EPB41L3: variants seen among roughly 807,000 people sequenced by gnomAD.
EPB41L3 encodes the protein band 4.1-like protein 3.
In EPB41L3, 57 loss-of-function variants were observed where a neutral mutation model predicts 127.1. The observed-to-expected ratio is 0.45, with a 90% CI of 0.36 to 0.56. The LOEUF is 0.56. Among genes scored for constraint, EPB41L3 ranks in the 20% least tolerant of loss-of-function variants. EPB41L3 has a pLI of 0.00. For missense variants in EPB41L3, 1,273 were observed against 1,372.2 expected, an observed-to-expected ratio of 0.93 and a Z score of 1.14; for synonymous variants, 572 against 549.5, an observed-to-expected ratio of 1.04 and a Z score of -0.57.
chr18:5,629,594 G>C (rs1261296860), upstream of EPB41L3, among the ~76,000 whole-genome samples: 3 of 151,816 alleles, frequency 2.0e-5, no homozygotes, highest in East Asian at 1.9e-4. Context: ...TTCCCGGAAG[G>C]CCCCCCCCTC....
intron 1 of EPB41L3, among the ~76,000 whole-genome samples, chr18:5,539,100 C>A (rs1388193857): frequency 6.7e-6 from 1 of 150,236 alleles, no homozygotes; most frequent in African/African-American, 2.5e-5. Context: ...GTGTCTAGAC[C>A]TTTACTTGGT....
At chr18:5,629,415 C>CCACA (rs61034629), upstream of EPB41L3, among the ~76,000 whole-genome samples, 16,759 of 143,670 alleles carry the variant, frequency 0.12, 1,057 homozygotes, top group African/African-American at 0.16. Context: ...TCCTTACACA[C>CCACA]CACACACACA....
intron 1 of EPB41L3, among the ~76,000 whole-genome samples, chr18:5,505,161 T>C (rs1484585563): frequency 6.6e-6 from 1 of 152,172 alleles, no homozygotes; most frequent in African/African-American, 2.4e-5. Context: ...TTCTTTTCTG[T>C]TGACTAAAAG....
chr18:5,498,897 A>C (rs141596078), intron 1 of EPB41L3, among the ~76,000 whole-genome samples: 121 of 152,188 alleles, frequency 8.0e-4, no homozygotes, highest in African/African-American at 2.8e-3. Context: ...GGCATAATTT[A>C]AATACTGCAT....
intron 3 of EPB41L3, among the ~76,000 whole-genome samples, chr18:5,605,656 C>T (rs1001093199): frequency 4.6e-5 from 7 of 152,092 alleles, no homozygotes; most frequent in Non-Finnish European, 1.0e-4. Context: ...AACTCCTGGA[C>T]TCAAGTGGTC....
At chr18:5,482,004 G>A (rs1189085071) in intron 2 of EPB41L3, among the ~76,000 whole-genome samples, 2 of 152,048 alleles carry the variant, frequency 1.3e-5, no homozygotes, top group Non-Finnish European at 2.9e-5. Context: ...AGAAACAATA[G>A]CAAACAGGAC....
chr18:5,532,320 C>T (rs2093437261), intron 1 of EPB41L3, among the ~76,000 whole-genome samples: 1 of 152,158 alleles, frequency 6.6e-6, no homozygotes. Context: ...ACCACTGTAA[C>T]CCCAGCACTG....
intron 3 of EPB41L3, among the ~76,000 whole-genome samples, chr18:5,573,098 T>C (rs1165318541): frequency 6.6e-6 from 1 of 152,180 alleles, no homozygotes; most frequent in African/African-American, 2.4e-5. Flanking sequence ...GTCAAGAAAG[T>C]GCAAGTCAGG....
intron 1 of EPB41L3, among the ~76,000 whole-genome samples, chr18:5,511,651 C>T (rs903665528): frequency 6.6e-6 from 1 of 151,988 alleles, no homozygotes; most frequent in African/African-American, 2.4e-5. Context: ...AGGTGATCCC[C>T]AGTGCTTAGT....
At chr18:5,459,834 C>T (rs1278086761) in intron 3 of EPB41L3, among the ~76,000 whole-genome samples, 1 of 152,146 alleles carries the variant, frequency 6.6e-6, no homozygotes, top group Non-Finnish European at 1.5e-5. Context: ...ATCATAGAAT[C>T]ATAAGGAAGG....
Position 5,419,872 on chromosome 18 carries a change from C to T in EPB41L3, c.1345G>A (p.Gly449Ser). 6.2e-7 allele frequency: 1 copy of T among 1,614,170 alleles called. No homozygotes were observed. Among genetic ancestry groups the T allele is most frequent in the Non-Finnish European group, 8.5e-7 (1 of 1,180,034 alleles). Residue 449 changes from glycine to serine, a missense_variant, in exon 12 of 23, where the codon GGT (glycine) becomes AGT (serine). Gly to Ser is a moderately conservative substitution (Grantham distance 56). This residue lies in a region of EPB41L3 where 326 missense variants were observed against 440.2 expected (regional missense o/e 0.74). Transcript: ENST00000341928. ...TMSRSLDGEV[G>S]TGQYATTKGI... ...TTTGTTGTGGCGTACTGGCCAGTACCAACCTCTGCAGCAGACATAGAATCC... is the reference window on the plus strand; with the variant it reads ...TTTGTTGTGGCGTACTGGCCAGTACTAACCTCTGCAGCAGACATAGAATCC...
intron 3 of EPB41L3, among the ~76,000 whole-genome samples, chr18:5,557,063 C>A (rs898554068): frequency 1.3e-5 from 2 of 152,092 alleles, no homozygotes; most frequent in Non-Finnish European, 2.9e-5. Flanking sequence ...GGAGAACCAG[C>A]CCATTTGATA....
intron 5 of EPB41L3, 66 bp from the exon 6 acceptor site, chr18:5,438,176 G>A: frequency 4.7e-6 from 7 of 1,478,968 alleles, no homozygotes; most frequent in Non-Finnish European, 6.5e-6. Context: ...TCGATGGCCA[G>A]AACTGCCTTA....
intron 3 of EPB41L3, 72 bp from the exon 4 acceptor site, chr18:5,445,316 C>G: frequency 8.3e-7 from 1 of 1,201,908 alleles, no homozygotes; most frequent in Non-Finnish European, 1.2e-6. Context: ...AGAGATAAAA[C>G]CAGGTAATAT....
intron 1 of EPB41L3, among the ~76,000 whole-genome samples, chr18:5,506,725 C>T (rs2092232261): frequency 6.6e-6 from 1 of 152,120 alleles, no homozygotes; most frequent in African/African-American, 2.4e-5. Context: ...AGTGGGTGCT[C>T]AAAGAGTATC....
chr18:5,410,230 A>C (rs2076029059), intron 14 of EPB41L3, among the ~76,000 whole-genome samples: 1 of 152,070 alleles, frequency 6.6e-6, no homozygotes, highest in Non-Finnish European at 1.5e-5. Flanking sequence ...AAAAAAAAAA[A>C]ATGTATTATC....
intron 3 of EPB41L3, among the ~76,000 whole-genome samples, chr18:5,564,276 C>A (rs1023478448): frequency 6.6e-6 from 1 of 152,086 alleles, no homozygotes; most frequent in African/African-American, 2.4e-5. Context: ...TGATGTCTTA[C>A]AGGTAAAGAT....
chr18:5,576,967 T>G (rs993755652), intron 3 of EPB41L3, among the ~76,000 whole-genome samples: 6 of 148,426 alleles, frequency 4.0e-5, no homozygotes, highest in African/African-American at 1.5e-4. Context: ...CTCAAGTGAA[T>G]GTCCCCAGAG....
chr18:5,605,069 A>G (rs1157218565), intron 3 of EPB41L3, among the ~76,000 whole-genome samples: 2 of 152,074 alleles, frequency 1.3e-5, no homozygotes, highest in Non-Finnish European at 2.9e-5. Context: ...CCAACATCCA[A>G]AATGACTAGT....
Sources: allele counts gnomAD v4.1 joint callset (sites outside exome capture counted in the v4.1 genomes callset), GRCh38; gene constraint gnomAD v4.1.1; regional missense constraint gnomAD v4.1.1; transcripts MANE v1.5; gene names NCBI Gene and HGNC (gene_info 2026-07-23, HGNC 2026-07-21).